The following ABTB3 variants were observed in gnomAD, a reference collection of about 807,000 sequenced individuals.
The protein encoded by ABTB3 is ankyrin repeat- and BTB/POZ domain-containing protein 3.
At chr12:107,353,706 A>T in the ABTB3 span, among the ~76,000 whole-genome samples, 2 of 152,120 alleles carry the variant, frequency 1.3e-5, no homozygotes, top group Non-Finnish European at 2.9e-5. Flanking sequence ...TGAGCAGTGT[A>T]CAAGTGAGCA....
At chr12:107,522,492 T>C in the ABTB3 span, among the ~76,000 whole-genome samples, 1 of 152,136 alleles carries the variant, frequency 6.6e-6, no homozygotes, top group African/African-American at 2.4e-5. Context: ...ATTTTTATTA[T>C]GGCAACAAGA....
chr12:107,330,073 T>C, the ABTB3 span, among the ~76,000 whole-genome samples: 4 of 151,852 alleles, frequency 2.6e-5, no homozygotes, highest in Non-Finnish European at 5.9e-5. Flanking sequence ...GTGGAAAAGG[T>C]AGGAAGAATA....
chr12:107,514,486 A>G, the ABTB3 span, among the ~76,000 whole-genome samples: 2 of 152,150 alleles, frequency 1.3e-5, no homozygotes, highest in African/African-American at 4.8e-5. Flanking sequence ...TCAAACTCAT[A>G]TTTGAACCTC....
the ABTB3 span, among the ~76,000 whole-genome samples, chr12:107,456,714 A>G: frequency 2.0e-5 from 3 of 152,178 alleles, no homozygotes; most frequent in Non-Finnish European, 2.9e-5. Context: ...CTTTCATGAA[A>G]CCAGTCCCTG....
chr12:107,533,307 C>T, the ABTB3 span, among the ~76,000 whole-genome samples: 1 of 152,064 alleles, frequency 6.6e-6, no homozygotes, highest in Non-Finnish European at 1.5e-5. Context: ...AGTTTAAATT[C>T]TCCAATTAAA....
the ABTB3 span, among the ~76,000 whole-genome samples, chr12:107,546,743 T>C: frequency 2.0e-5 from 3 of 151,912 alleles, no homozygotes; most frequent in African/African-American, 7.3e-5. Context: ...CACACACCTG[T>C]AGTCTTAGCT....
At chr12:107,552,081 G>T in the ABTB3 span, among the ~76,000 whole-genome samples, 1 of 152,134 alleles carries the variant, frequency 6.6e-6, no homozygotes, top group African/African-American at 2.4e-5. Flanking sequence ...AAATCAGTGA[G>T]AATTAAATTT....
At chr12:107,491,365 T>C in the ABTB3 span, among the ~76,000 whole-genome samples, 1 of 152,164 alleles carries the variant, frequency 6.6e-6, no homozygotes, top group Non-Finnish European at 1.5e-5. Context: ...ACGCATTCAT[T>C]CTTTCACTGG....
At chr12:107,355,338 C>T in the ABTB3 span, among the ~76,000 whole-genome samples, 148 of 152,306 alleles carry the variant, frequency 9.7e-4, no homozygotes, top group African/African-American at 3.4e-3. Flanking sequence ...CTGTGTGGGC[C>T]CCAGCCCAGT....
the ABTB3 span, among the ~76,000 whole-genome samples, chr12:107,632,166 T>G: frequency 3.3e-5 from 5 of 152,172 alleles, no homozygotes; most frequent in African/African-American, 1.2e-4. Context: ...CCTTTCACAC[T>G]GCAGGACACC....
At chr12:107,360,954 T>TTTA in the ABTB3 span, among the ~76,000 whole-genome samples, 1 of 145,758 alleles carries the variant, frequency 6.9e-6, no homozygotes, top group Non-Finnish European at 1.5e-5. Context: ...TTTTTTTTTG[T>TTTA]AGAAACAGGA....
chr12:107,641,497 T>C, the ABTB3 span, among the ~76,000 whole-genome samples: 1 of 152,214 alleles, frequency 6.6e-6, no homozygotes, highest in Non-Finnish European at 1.5e-5. Flanking sequence ...TGTGTTCCAT[T>C]GATAAGATCT....
the ABTB3 span, among the ~76,000 whole-genome samples, chr12:107,596,038 A>G: frequency 6.6e-6 from 1 of 152,140 alleles, no homozygotes; most frequent in Non-Finnish European, 1.5e-5. Context: ...TGTTTGCTAT[A>G]ATTATTATTT....
chr12:107,435,679 G>A, the ABTB3 span, among the ~76,000 whole-genome samples: 1 of 152,188 alleles, frequency 6.6e-6, no homozygotes, highest in Admixed American at 6.5e-5. Flanking sequence ...TGCTTAGCTA[G>A]TCTCCTATGT....
At chr12:107,658,081 A>G in the ABTB3 span, 1 of 256,496 alleles carries the variant, frequency 3.9e-6, no homozygotes, top group Non-Finnish European at 7.6e-6. Context: ...AACCCTGAAG[A>G]GATTGTATTA....
At chr12:107,425,986 G>A in the ABTB3 span, among the ~76,000 whole-genome samples, 7 of 152,192 alleles carry the variant, frequency 4.6e-5, no homozygotes, top group Non-Finnish European at 1.0e-4. Context: ...TCTGTTCTGC[G>A]GCTACAGAAG....
chr12:107,406,017 C>T, the ABTB3 span, among the ~76,000 whole-genome samples: 31 of 152,292 alleles, frequency 2.0e-4, no homozygotes, highest in South Asian at 4.8e-3. Context: ...GTTGTGGTTA[C>T]GTGGGAGCTG....
chr12:107,552,422 C>T, the ABTB3 span, among the ~76,000 whole-genome samples: 40 of 152,300 alleles, frequency 2.6e-4, no homozygotes, highest in East Asian at 4.2e-3. Flanking sequence ...CCGTATCCAG[C>T]GATAAGCACT....
chr12:107,516,012 A>G, the ABTB3 span, among the ~76,000 whole-genome samples: 1 of 149,296 alleles, frequency 6.7e-6, no homozygotes, highest in Non-Finnish European at 1.5e-5. Flanking sequence ...TTTTAATGGA[A>G]ATTATGAAGA....
Sources: allele counts gnomAD v4.1 joint callset (sites outside exome capture counted in the v4.1 genomes callset), GRCh38; gene constraint gnomAD v4.1.1; transcripts MANE v1.5; gene names NCBI Gene and HGNC (gene_info 2026-07-23, HGNC 2026-07-21).